Variants in FER1L6 observed in about 807,000 individuals in gnomAD.
FER1L6 encodes the protein fer-1-like protein 6.
FER1L6 carries 177 observed loss-of-function variants against 219.2 expected under a neutral mutation model. The ratio of observed to expected loss-of-function variants is 0.81; its 90% confidence interval spans 0.71 to 0.91. The LOEUF (loss-of-function observed/expected upper bound fraction) is 0.91. Among genes scored for constraint, FER1L6 ranks in the 40% least tolerant of loss-of-function variants. The probability of loss-of-function intolerance (pLI) is 0.00; values close to 1 mark genes in which losing one functional copy is unlikely to be tolerated. For missense variants in FER1L6, 2,153 were observed against 2,259.9 expected, an observed-to-expected ratio of 0.95 and a Z score of 0.96; for synonymous variants, 768 against 824.3, an observed-to-expected ratio of 0.93 and a Z score of 1.17.
At chr8:123,868,252 G>C (rs1362102463) in intron 1 of FER1L6, among the ~76,000 whole-genome samples, 1 of 152,164 alleles carries the variant, frequency 6.6e-6, no homozygotes, top group Non-Finnish European at 1.5e-5. Flanking sequence ...GTAAAGGCTT[G>C]CTGCCTTATT....
At chr8:124,013,864 A>C (rs1818060654) in intron 15 of FER1L6, among the ~76,000 whole-genome samples, 1 of 152,210 alleles carries the variant, frequency 6.6e-6, no homozygotes, top group Non-Finnish European at 1.5e-5. Flanking sequence ...TGACACTTAG[A>C]TGGGCAGAAG....
chr8:124,044,439 A>G (rs1052073157), intron 20 of FER1L6, among the ~76,000 whole-genome samples: 24 of 152,246 alleles, frequency 1.6e-4, no homozygotes, highest in Non-Finnish European at 1.2e-4. Context: ...GAAGAGCAAT[A>G]AAAATATTCC....
chr8:123,900,896 C>T (rs546511929), intron 1 of FER1L6, among the ~76,000 whole-genome samples: 133 of 152,166 alleles, frequency 8.7e-4, no homozygotes, highest in African/African-American at 3.0e-3. Context: ...TTGTTGGATT[C>T]GGTTAGCTAG....
intron 13 of FER1L6, among the ~76,000 whole-genome samples, chr8:124,005,016 G>A (rs941061051): frequency 1.3e-5 from 2 of 149,006 alleles, no homozygotes; most frequent in African/African-American, 2.5e-5. Flanking sequence ...AAAAAAAATC[G>A]TCAACTGTTC....
chr8:124,103,889 A>T (rs1822652716), intron 39 of FER1L6, among the ~76,000 whole-genome samples: 1 of 152,218 alleles, frequency 6.6e-6, no homozygotes, highest in Non-Finnish European at 1.5e-5. Context: ...TGAGACTGAT[A>T]GCAGGGTCTT....
intron 32 of FER1L6, among the ~76,000 whole-genome samples, chr8:124,081,605 CAAAAAAAAAAA>C (rs1243602409): frequency 1.9e-5 from 1 of 53,002 alleles, no homozygotes; most frequent in Admixed American, 2.0e-4. Context: ...ATGCAGAGAC[CAAAAAAAAAAA>C]AAAAAAAAAG....
intron 32 of FER1L6, among the ~76,000 whole-genome samples, chr8:124,081,958 C>T (rs1160097857): frequency 2.0e-5 from 3 of 152,140 alleles, no homozygotes; most frequent in Non-Finnish European, 4.4e-5. Flanking sequence ...CAGGAAATTG[C>T]AGATTCAAAA....
chr8:123,864,231 C>G lies in FER1L6; in HGVS notation c.-8+12046C>G, dbSNP rs1314048213. On this transcript the variant is annotated intron_variant, in intron 1 of 40. Transcript: ENST00000522917. ...TGTAAAGTATTTTATTTCTCCTTCA[C>G]TTATGAAGCTTAGTTTGGCTGGATA... Among the ~76,000 whole-genome samples the G allele has an allele frequency of 4.7e-5, 7 of 150,470 alleles. 1 individual carries two copies. The highest frequency in any genetic ancestry group is 1.8e-4 in the African/African-American group (7 of 39,924).
intron 34 of FER1L6, among the ~76,000 whole-genome samples, chr8:124,094,057 C>T (rs1454619701): frequency 6.6e-6 from 1 of 152,046 alleles, no homozygotes; most frequent in Non-Finnish European, 1.5e-5. Flanking sequence ...CATGAATAAC[C>T]TTATTTGATA....
intron 18 of FER1L6, among the ~76,000 whole-genome samples, chr8:124,031,714 G>A (rs1272351337): frequency 1.3e-5 from 2 of 152,138 alleles, no homozygotes; most frequent in Non-Finnish European, 2.9e-5. Flanking sequence ...GAGATAAGAG[G>A]GCAGGAGGTC....
At position 124,008,478 on chromosome 8, in the gene FER1L6, A is replaced by G. The variant is rs112863322; in HGVS notation, c.1701-2116A>G. 3.6e-4 allele frequency among the ~76,000 whole-genome samples: 51 copies of G among 141,752 alleles called. 1 individual carries two copies. The South Asian group carries it at 8.7e-3, about 24-fold the overall frequency. The allele number at this position is 141,752 out of a possible 152,430, so 93.0% of individuals were successfully genotyped here. ...GTAGATATCCAATAGTGGAATTGCC[A>G]GATCAAATGGTAGTTCTACTTTTAG... On this transcript the variant is annotated intron_variant, in intron 13 of 40. Coordinates refer to ENST00000522917, the MANE Select transcript of FER1L6 (RefSeq NM_001039112.2).
At chr8:123,915,969 C>G (rs371507495) in intron 1 of FER1L6, among the ~76,000 whole-genome samples, 1 of 152,122 alleles carries the variant, frequency 6.6e-6, no homozygotes, top group Non-Finnish European at 1.5e-5. Context: ...TACCCTATGT[C>G]CATTTTGCAT....
At chr8:123,955,851 T>C in intron 1 of FER1L6, 141 bp from the exon 2 acceptor site, 1 of 708,226 alleles carries the variant, frequency 1.4e-6, no homozygotes, top group Non-Finnish European at 2.4e-6. Context: ...GTGCTGCTGA[T>C]ACTTGTCTTT....
At chr8:124,017,248 G>A (rs569316903) in intron 15 of FER1L6, among the ~76,000 whole-genome samples, 1 of 152,026 alleles carries the variant, frequency 6.6e-6, no homozygotes, top group African/African-American at 2.4e-5. Context: ...ACACATCTAG[G>A]TATTGAATCT....
At chr8:123,860,084 C>T (rs1358864429) in intron 1 of FER1L6, among the ~76,000 whole-genome samples, 1 of 137,628 alleles carries the variant, frequency 7.3e-6, no homozygotes, top group African/African-American at 2.9e-5. Context: ...CACCCACTAA[C>T]TCGTCATCTA....
rs1258704507 is a variant in FER1L6 at position 124,103,719 on chromosome 8, C to G, written c.5289+410C>G. Among the ~76,000 whole-genome samples, 4 of 152,336 alleles carry G rather than the reference C, an allele frequency of 2.6e-5. No individual in the cohort carries two copies. The East Asian group carries it at 7.7e-4, about 29-fold the overall frequency. ...TTTATCCCTTTTCCCGAATTGTCCA[C>G]TTCCTGCCAATGCATGTCAGATTGT... is the stretch of plus-strand genomic sequence containing the variant. On this transcript the variant is annotated intron_variant, in intron 39 of 40. Transcript: ENST00000522917.
Position 124,118,914 on chromosome 8 carries a change from G to A in FER1L6, c.5360G>A (p.Arg1787Gln), listed in dbSNP as rs865934329. 2.6e-5 allele frequency: 42 copies of A among 1,613,854 alleles called. No individual in the cohort carries two copies. Among genetic ancestry groups the A allele is most frequent in the African/African-American group, 1.2e-4 (9 of 74,978 alleles). Residue 1787 changes from arginine to glutamine, a missense_variant, in exon 40 of 41, where the codon CGA becomes CAA. Coordinates refer to ENST00000522917, the MANE Select transcript of FER1L6 (RefSeq NM_001039112.2). ...GAGAAAAATCCTGTTGGAAAAGCCCGAAAGGAGCCAGAGCCCCTGGCCAAG... is the reference window on the plus strand; with the variant it reads ...GAGAAAAATCCTGTTGGAAAAGCCCAAAAGGAGCCAGAGCCCCTGGCCAAG... ...EAEKNPVGKA[R>Q]KEPEPLAKPN...
At chr8:124,081,536 A>C (rs1406828296) in intron 32 of FER1L6, among the ~76,000 whole-genome samples, 1 of 149,782 alleles carries the variant, frequency 6.7e-6, no homozygotes, top group African/African-American at 2.5e-5. Flanking sequence ...GATCTCTTAC[A>C]GTTCACGGAA....
Position 124,091,462 on chromosome 8 carries a change from C to A in FER1L6, c.4431C>A (p.Thr1477=), listed in dbSNP as rs200383834. Residue 1477 remains threonine (T), a synonymous_variant, in exon 34 of 41, where the codon ACC becomes ACA. Transcript: ENST00000522917. ...YNAWRDTSKP[T]EILTKLCKDN... ...CCTGGAGAGACACGTCCAAACCCAC[C>A]GAAATCCTCACTAAGCTCTGCAAAG... 38 of 1,613,998 alleles carry A rather than the reference C, an allele frequency of 2.4e-5. No individual in the cohort carries two copies. In the African/African-American group the frequency reaches 4.3e-4, roughly 18 times the overall value.
Sources: allele counts gnomAD v4.1 joint callset (sites outside exome capture counted in the v4.1 genomes callset), GRCh38; gene constraint gnomAD v4.1.1; transcripts MANE v1.5; gene names NCBI Gene and HGNC (gene_info 2026-07-23, HGNC 2026-07-21).